ZNF18: variants seen among roughly 807,000 people sequenced by gnomAD.
The protein encoded by ZNF18 is heart development-specific gene 1 protein.
ZNF18 carries 42 observed loss-of-function variants against 58.1 expected under a neutral mutation model. The ratio of observed to expected loss-of-function variants is 0.72; its 90% CI spans 0.56 to 0.93. The LOEUF (loss-of-function observed/expected upper bound fraction) is 0.93. Among genes scored for constraint, ZNF18 ranks in the 40% least tolerant of loss-of-function variants. The pLI, the probability that ZNF18 is intolerant of heterozygous loss-of-function variation, is 0.00. For missense variants in ZNF18, 540 were observed against 644.2 expected (o/e 0.84, Z 1.75); for synonymous variants, 231 against 239.8 (o/e 0.96, Z 0.34).
At position 11,978,462 on chromosome 17, in the gene ZNF18, A is replaced by G. The variant is rs753725476; in HGVS notation, c.1145T>C (p.Met382Thr). Residue 382 changes from methionine to threonine, a missense_variant, in exon 7 of 7, where the codon ATG becomes ACG. Coordinates refer to ENST00000580306, the MANE Select transcript of ZNF18 (RefSeq NM_001303281.2). ...CTTCTCCTCAAGCCACATGGTGGACATTTCTCCTGAATGAGGATTAGGCAA... is the reference window on the plus strand; with the variant it reads ...CTTCTCCTCAAGCCACATGGTGGACGTTTCTCCTGAATGAGGATTAGGCAA... Reference protein sequence around the residue: ...QHLPNPHSGEMSTMWLEEKRE... With the variant: ...QHLPNPHSGETSTMWLEEKRE... The G allele has an allele frequency of 1.3e-6, 2 of 1,582,018 alleles. No homozygotes were observed. The highest frequency in any genetic ancestry group is 1.7e-6 in the Non-Finnish European group (2 of 1,165,186).
At chr17:12,004,545 C>T in the ZNF18 span, among the ~76,000 whole-genome samples, 16 of 152,170 alleles carry the variant, frequency 1.1e-4, no homozygotes, top group African/African-American at 3.6e-4. Flanking sequence ...GAATCAGATC[C>T]GACCAAAGCC....
chr17:12,011,157 C>A, the ZNF18 span: 1 of 594,324 alleles, frequency 1.7e-6, no homozygotes. Context: ...AGGAACAACT[C>A]CATGTTTTCT....
intron 4 of ZNF18, among the ~76,000 whole-genome samples, chr17:11,985,560 T>C (rs1967681967): frequency 6.6e-6 from 1 of 152,248 alleles, no homozygotes; most frequent in African/African-American, 2.4e-5. Context: ...TAACTATTTA[T>C]GTGTATGTAC....
At chr17:11,987,010 C>G (rs1270839959) in intron 4 of ZNF18, among the ~76,000 whole-genome samples, 1 of 152,206 alleles carries the variant, frequency 6.6e-6, no homozygotes, top group Non-Finnish European at 1.5e-5. Context: ...CGAATAAAAC[C>G]TCCTACTGAA....
At chr17:12,011,834 G>T in the ZNF18 span, among the ~76,000 whole-genome samples, 1 of 150,240 alleles carries the variant, frequency 6.7e-6, no homozygotes, top group Non-Finnish European at 1.5e-5. Context: ...CTGAGTAGCT[G>T]GGATTACAGG....
At chr17:12,013,723 G>C in the ZNF18 span, among the ~76,000 whole-genome samples, 10 of 152,038 alleles carry the variant, frequency 6.6e-5, no homozygotes, top group African/African-American at 2.2e-4. Flanking sequence ...CCAAATGTCA[G>C]GTAACTTAAT....
At chr17:11,979,995 A>G (rs1967235686) in intron 6 of ZNF18, among the ~76,000 whole-genome samples, 1 of 152,214 alleles carries the variant, frequency 6.6e-6, no homozygotes, top group Admixed American at 6.5e-5. Context: ...TAATGCTGTG[A>G]TCAGCAGTTT....
the ZNF18 span, among the ~76,000 whole-genome samples, chr17:12,002,840 A>T: frequency 4.6e-5 from 7 of 152,280 alleles, no homozygotes; most frequent in Middle Eastern, 3.4e-3. Flanking sequence ...ATTCGGATTG[A>T]CTCAAGGTGA....
chr17:11,989,186 A>C (rs971500372), intron 4 of ZNF18, among the ~76,000 whole-genome samples: 3 of 151,816 alleles, frequency 2.0e-5, no homozygotes, highest in African/African-American at 7.3e-5. Flanking sequence ...TTAGCCAAGC[A>C]TTGTGGCACA....
At chr17:11,985,669 A>C (rs1967691297) in intron 4 of ZNF18, among the ~76,000 whole-genome samples, 1 of 152,198 alleles carries the variant, frequency 6.6e-6, no homozygotes, top group Non-Finnish European at 1.5e-5. Context: ...TCCATTGTAT[A>C]ATACCTTCCC....
chr17:11,978,605 T>C lies in ZNF18; in HGVS notation c.1002A>G (p.Pro334=), dbSNP rs557107334. Reference sequence around the variant, plus strand: ...GATTCTCTCCTTCTCCAAAGCATCCTGGCTCATCCTCAGTGAAGAAGCCCC... The same window carrying C: ...GATTCTCTCCTTCTCCAAAGCATCCCGGCTCATCCTCAGTGAAGAAGCCCC... ...SLRGFFTEDE[P]GCFGEGENLP... is the part of the protein sequence containing the mutation. The change falls in exon 7 of 7, where the codon CCA becomes CCG. Residue 334 remains proline (P), a synonymous_variant. Coordinates refer to ENST00000580306, the MANE Select transcript of ZNF18 (RefSeq NM_001303281.2). 27 of 1,614,156 alleles carry C rather than the reference T, an allele frequency of 1.7e-5. No homozygotes were observed. In the South Asian group the frequency reaches 3.0e-4, roughly 18 times the overall value.
At chr17:12,003,496 T>G in the ZNF18 span, among the ~76,000 whole-genome samples, 1 of 151,544 alleles carries the variant, frequency 6.6e-6, no homozygotes, top group South Asian at 2.1e-4. Flanking sequence ...GGAAATGACT[T>G]CCTATAGTGC....
the ZNF18 span, among the ~76,000 whole-genome samples, chr17:12,004,232 CAA>C: frequency 7.8e-6 from 1 of 127,920 alleles, no homozygotes; most frequent in Non-Finnish European, 1.7e-5. Flanking sequence ...CTCTGTGTCT[CAA>C]AAAAAAAAAA....
the ZNF18 span, among the ~76,000 whole-genome samples, chr17:12,004,777 C>T: frequency 1.3e-5 from 2 of 150,794 alleles, no homozygotes; most frequent in Non-Finnish European, 2.9e-5. Flanking sequence ...ATCCCAGCTA[C>T]TTGGGAGGCT....
rs2151464526 is a variant in ZNF18, at chr17:11,977,636, CCCAT to C, written c.*317_*320del. 1 of 241,108 alleles carries C rather than the reference CCCAT, an allele frequency of 4.1e-6. No individual in the cohort carries two copies. Among genetic ancestry groups the C allele is most frequent in the Admixed American group, 5.0e-5 (1 of 20,126 alleles). The allele number at this position is 241,108 out of a possible 1,614,324, so 14.9% of individuals were successfully genotyped here. On this transcript the variant is annotated 3_prime_UTR_variant, in exon 7 of 7. Transcript: ENST00000580306. The stretch of plus-strand genomic sequence containing the variant: ...CCCATAAGCAGTGACTACAGCTAAT[CCCAT>C]TAAATGCTTCCCAGAAAGCACTTCT...
the ZNF18 span, among the ~76,000 whole-genome samples, chr17:12,008,592 C>G: frequency 7.9e-5 from 12 of 152,136 alleles, no homozygotes; most frequent in Non-Finnish European, 1.5e-4. Context: ...CAAATATTCT[C>G]CAGAAGGCAG....
chr17:11,994,582 C>T (rs1174354127), intron 1 of ZNF18, among the ~76,000 whole-genome samples: 2 of 152,186 alleles, frequency 1.3e-5, no homozygotes, highest in Non-Finnish European at 2.9e-5. Flanking sequence ...TGGCTCACGC[C>T]TGTAATCCCA....
chr17:12,012,975 CAG>C, the ZNF18 span, among the ~76,000 whole-genome samples: 2 of 145,880 alleles, frequency 1.4e-5, no homozygotes, highest in Non-Finnish European at 3.0e-5. Context: ...TTTTTTGAGA[CAG>C]AGTCTTGATC....
the ZNF18 span, chr17:12,020,892 G>A: frequency 8.3e-7 from 1 of 1,211,374 alleles, no homozygotes; most frequent in Admixed American, 4.4e-5. Flanking sequence ...CAACAATGGC[G>A]GCTCCGAGCC....
Sources: gnomAD v4.1 joint callset for allele counts (sites outside exome capture counted in the v4.1 genomes callset) on GRCh38, gnomAD v4.1.1 for gene constraint, MANE v1.5 for transcripts, NCBI Gene and HGNC (gene_info 2026-07-23, HGNC 2026-07-21) for gene names.